The following ZNF420 variants were observed in gnomAD, a reference collection of about 807,000 sequenced individuals.
ZNF420 encodes ATM and p53-associated KZNF protein.
A neutral mutation model predicts 44.7 loss-of-function variants in ZNF420; 31 were observed. The observed-to-expected ratio is 0.69, with a 90% CI of 0.52 to 0.94. ZNF420 has a LOEUF of 0.94. ZNF420 is among the 40% of genes least tolerant of loss of function. The probability of loss-of-function intolerance (pLI) is 0.00; values close to 1 mark genes in which losing one functional copy is unlikely to be tolerated. For missense variants in ZNF420, 681 were observed against 827.9 expected, an observed-to-expected ratio of 0.82 and a Z score of 2.18; for synonymous variants, 245 against 267.4, an observed-to-expected ratio of 0.92 and a Z score of 0.82.
At chr19:37,053,896 C>T (rs976774764) in intron 1 of ZNF420, among the ~76,000 whole-genome samples, 13 of 152,308 alleles carry the variant, frequency 8.5e-5, no homozygotes, top group South Asian at 6.2e-4. Flanking sequence ...CTGTCAGACA[C>T]GGACATTTAA....
rs1439347269 is a variant in ZNF420, at chr19:37,099,536, TGTTGA to T, written c.136+8421_136+8425del. On this transcript the variant is annotated intron_variant, in intron 4 of 4. Coordinates refer to ENST00000337995, the MANE Select transcript of ZNF420 (RefSeq NM_144689.5). ...TTAATCAGATTATTTGTTTTTTTGC[TGTTGA>T]GTTGACTTTCTTATATATTCTTGGT... 8.5e-5 allele frequency among the ~76,000 whole-genome samples: 13 copies of T among 152,348 alleles called. No individual in the cohort carries two copies. In the South Asian group the frequency reaches 1.0e-3, roughly 12 times the overall value.
chr19:37,119,253 G>A (rs549008733), intron 4 of ZNF420, among the ~76,000 whole-genome samples: 180 of 152,112 alleles, frequency 1.2e-3, no homozygotes, highest in African/African-American at 4.1e-3. Flanking sequence ...TAAAAGAACA[G>A]AAATTATAAC....
At chr19:37,079,422 C>A (rs1305884658) in intron 1 of ZNF420, among the ~76,000 whole-genome samples, 3 of 152,126 alleles carry the variant, frequency 2.0e-5, no homozygotes, top group Non-Finnish European at 4.4e-5. Context: ...TGTGCTCCTC[C>A]CATGTGGCTC....
intron 1 of ZNF420, among the ~76,000 whole-genome samples, chr19:37,022,965 A>G (rs1385756336): frequency 2.0e-5 from 3 of 152,054 alleles, no homozygotes; most frequent in African/African-American, 7.2e-5. Flanking sequence ...GCGAAACCCA[A>G]TCTCTACTAA....
chr19:37,100,712 T>TC (rs1555762699), intron 4 of ZNF420, among the ~76,000 whole-genome samples: 2,742 of 103,430 alleles, frequency 0.027, 43 homozygotes, highest in African/African-American at 0.077. Context: ...AAACTCCATC[T>TC]CAAAAAAAAA....
intron 1 of ZNF420, among the ~76,000 whole-genome samples, chr19:37,055,083 T>G (rs1217851514): frequency 1.3e-5 from 2 of 152,214 alleles, no homozygotes; most frequent in Non-Finnish European, 2.9e-5. Context: ...GGTAGGGATT[T>G]AAGATACAAG....
intron 1 of ZNF420, among the ~76,000 whole-genome samples, chr19:37,072,100 C>G (rs922715869): frequency 2.0e-5 from 3 of 152,194 alleles, no homozygotes; most frequent in Admixed American, 1.3e-4. Flanking sequence ...CTTGAAAAAC[C>G]AACGGTTTCA....
chr19:37,049,647 T>C lies in ZNF420; in HGVS notation c.-124-30698T>C, dbSNP rs147167918. 3.3e-3 allele frequency among the ~76,000 whole-genome samples: 499 copies of C among 152,332 alleles called. 5 individuals carry two copies. The highest frequency in any genetic ancestry group is 0.012 in the African/African-American group (485 of 41,578). On this transcript the variant is annotated intron_variant, in intron 1 of 4. Coordinates refer to the ZNF420 transcript ENST00000587029. ...TGTCAGATGAGCAGGTTGCGAAAAT[T>C]TTCTCCCATTCTGTAGGTTGCCTGT...
chr19:37,127,081 T>C (rs200197038), intron 4 of ZNF420, 47 bp from the exon 5 acceptor site: 1 of 1,422,598 alleles, frequency 7.0e-7, no homozygotes. Context: ...TTGTCTTTTC[T>C]ATAGAAGTTA....
chr19:37,058,212 T>A (rs1187934446), intron 1 of ZNF420, among the ~76,000 whole-genome samples: 1 of 152,196 alleles, frequency 6.6e-6, no homozygotes, highest in Non-Finnish European at 1.5e-5. Flanking sequence ...CTGTTTCTGG[T>A]TGATTCGGCC....
At chr19:37,041,903 A>G (rs1450533140) in intron 1 of ZNF420, among the ~76,000 whole-genome samples, 1 of 152,220 alleles carries the variant, frequency 6.6e-6, no homozygotes, top group Non-Finnish European at 1.5e-5. Context: ...GCTAAATTCA[A>G]CTGTCAATAT....
chr19:37,046,784 G>T (rs1412934908), intron 1 of ZNF420, among the ~76,000 whole-genome samples: 1 of 151,688 alleles, frequency 6.6e-6, no homozygotes, highest in East Asian at 1.9e-4. Flanking sequence ...TGTGAGCCAA[G>T]GATTATGATT....
chr19:37,032,098 G>A (rs1470634806), intron 1 of ZNF420, among the ~76,000 whole-genome samples: 1 of 151,892 alleles, frequency 6.6e-6, no homozygotes, highest in Non-Finnish European at 1.5e-5. Context: ...TAATCCCAAT[G>A]CTTTGGGAGG....
chr19:37,091,236 G>A (rs1969125950), intron 4 of ZNF420, 115 bp downstream of exon 4: 1 of 1,137,118 alleles, frequency 8.8e-7, no homozygotes, highest in Non-Finnish European at 1.2e-6. Flanking sequence ...CTTTTCAAAG[G>A]AGGAGTTTGA....
At chr19:37,099,298 A>G (rs1281890318) in intron 4 of ZNF420, among the ~76,000 whole-genome samples, 1 of 152,126 alleles carries the variant, frequency 6.6e-6, no homozygotes. Context: ...CATTCCCACC[A>G]AGAGTGTGTA....
intron 4 of ZNF420, among the ~76,000 whole-genome samples, chr19:37,116,866 G>A (rs1178381318): frequency 6.6e-6 from 1 of 152,152 alleles, no homozygotes; most frequent in African/African-American, 2.4e-5. Context: ...ATCTCAGACT[G>A]CTGTGCTAGC....
chr19:37,102,865 T>C (rs974556079), intron 4 of ZNF420, among the ~76,000 whole-genome samples: 39 of 152,354 alleles, frequency 2.6e-4, no homozygotes, highest in African/African-American at 9.1e-4. Context: ...TTTGGATTTG[T>C]GCTAAATCTA....
At chr19:37,063,432 A>G (rs1342537135) in intron 1 of ZNF420, among the ~76,000 whole-genome samples, 4 of 152,204 alleles carry the variant, frequency 2.6e-5, no homozygotes, top group African/African-American at 9.7e-5. Flanking sequence ...GATAAACTCA[A>G]GTCGCAAAAC....
chr19:37,011,834 C>G (rs2074571604), intron 1 of ZNF420, among the ~76,000 whole-genome samples: 1 of 152,196 alleles, frequency 6.6e-6, no homozygotes, highest in African/African-American at 2.4e-5. Flanking sequence ...CCACCTTGGA[C>G]TCGCCCCTGT....
Sources: gnomAD v4.1 joint callset for allele counts (sites outside exome capture counted in the v4.1 genomes callset) on GRCh38, gnomAD v4.1.1 for gene constraint, MANE v1.5 for transcripts, NCBI Gene and HGNC (gene_info 2026-07-23, HGNC 2026-07-21) for gene names.